WTIP: variants seen among roughly 807,000 people sequenced by gnomAD.
WTIP encodes WT1 interacting protein.
A neutral mutation model predicts 41.7 loss-of-function variants in WTIP; 23 were observed. The ratio of observed to expected loss-of-function variants is 0.55; its 90% CI spans 0.40 to 0.78. The LOEUF is 0.78. WTIP is among the 30% of genes least tolerant of loss of function. The pLI is 0.00. For synonymous variants in WTIP, 314 were observed against 269.9 expected, an observed-to-expected ratio of 1.16 and a Z score of -1.60; for missense variants, 619 against 610.5, an observed-to-expected ratio of 1.01 and a Z score of -0.15.
intron 6 of WTIP, among the ~76,000 whole-genome samples, chr19:34,495,288 T>C (rs2075847037): frequency 6.6e-6 from 1 of 152,040 alleles, no homozygotes; most frequent in African/African-American, 2.4e-5. Flanking sequence ...TCCCAGCTAC[T>C]TGGGAGGCTA....
chr19:34,487,168 G>C (rs2075802249), intron 1 of WTIP, among the ~76,000 whole-genome samples: 1 of 139,638 alleles, frequency 7.2e-6, no homozygotes, highest in Non-Finnish European at 1.5e-5. Context: ...GCAGTGGTGT[G>C]ATCTCGGCTC....
chr19:34,482,403 C>T lies in WTIP; in HGVS notation c.429C>T (p.Ser143=). ...CTTCGGTGGGCAGCGCCCGCTCCAG[C>T]GTTTCCAGCCTCGGCTCCCGGGGCT... The part of the protein sequence containing the change: ...GPPSVGSARS[S]VSSLGSRGSA... Residue 143 remains serine (S), a synonymous_variant, in exon 1 of 8, where the codon AGC becomes AGT. Coordinates refer to ENST00000590071, the MANE Select transcript of WTIP (RefSeq NM_001080436.2). The T allele has an allele frequency of 7.3e-7, 1 of 1,365,550 alleles. No homozygotes were observed. The highest frequency in any genetic ancestry group is 3.1e-5 in the Admixed American group (1 of 32,102). 84.6% of individuals were successfully genotyped at this position (1,365,550 alleles called of 1,614,324 possible). A position where few individuals can be genotyped will look rare whatever the true frequency, so the allele number is the denominator to read the frequency against.
At chr19:34,496,519 G>A (rs1264656951) in intron 7 of WTIP, among the ~76,000 whole-genome samples, 1 of 152,056 alleles carries the variant, frequency 6.6e-6, no homozygotes, top group Non-Finnish European at 1.5e-5. Flanking sequence ...TTCCTGCCCC[G>A]CAGAGAGTGC....
Position 34,508,718 on chromosome 19 carries a change from C to G in WTIP, c.*8449C>G, listed in dbSNP as rs1369790751. 1.3e-5 allele frequency: 2 copies of G among 152,454 alleles called. No individual in the cohort carries two copies. Among genetic ancestry groups the G allele is most frequent in the African/African-American group, 4.8e-5 (2 of 41,446 alleles). The allele number at this position is 152,454 out of a possible 1,614,324, so 9.4% of individuals were successfully genotyped here. On this transcript the variant is annotated 3_prime_UTR_variant, in exon 8 of 8. Coordinates refer to ENST00000590071, the MANE Select transcript of WTIP (RefSeq NM_001080436.2). ...CCCCTGCCTTCTGGGACTGGAAGTT[C>G]CTAGGAGTCCGGAAGTGCTGAGCTG...
Position 34,507,244 on chromosome 19 carries a change from A to T in WTIP, c.*6975A>T, listed in dbSNP as rs2075916074. 1 of 145,354 alleles carries T rather than the reference A, an allele frequency of 6.9e-6. No individual in the cohort carries two copies. Among genetic ancestry groups the T allele is most frequent in the South Asian group, 2.1e-4 (1 of 4,690 alleles). The allele number at this position is 145,354 out of a possible 1,614,324, so 9.0% of individuals were successfully genotyped here. A position where few individuals can be genotyped will look rare whatever the true frequency, so the allele number is the denominator to read the frequency against. On this transcript the variant is annotated 3_prime_UTR_variant, in exon 8 of 8. Coordinates refer to ENST00000590071, the MANE Select transcript of WTIP (RefSeq NM_001080436.2). ...GTCTCAAAAAAAAAAAAAAAAAAAA[A>T]AATTGTATTCGGCCTATGATGAAAT...
At position 34,510,458 on chromosome 19, in the gene WTIP, G is replaced by A. The variant is rs959260478; in HGVS notation, c.*10189G>A. The A allele has an allele frequency of 1.3e-5, 2 of 152,170 alleles. No individual in the cohort carries two copies. The highest frequency in any genetic ancestry group is 4.8e-5 in the African/African-American group (2 of 41,438). 9.4% of individuals were successfully genotyped at this position (152,170 alleles called of 1,614,324 possible). On this transcript the variant is annotated 3_prime_UTR_variant, in exon 8 of 8. Transcript: ENST00000590071. ...AGGCTGCACACAACATGGGGACTTT[G>A]GGTCCAGCCCACAAAACCATTTTTT...
chr19:34,508,406 C>G lies in WTIP; in HGVS notation c.*8137C>G, dbSNP rs2075921224. ...GTGGGAAGTTTCAATACTCCCTTAG[C>G]CTTGGTTTGGTCACCAGAAGGAGGG... On this transcript the variant is annotated 3_prime_UTR_variant, in exon 8 of 8. Coordinates refer to ENST00000590071, the MANE Select transcript of WTIP (RefSeq NM_001080436.2). The G allele has an allele frequency of 6.6e-6, 1 of 152,226 alleles. No homozygotes were observed. The highest frequency in any genetic ancestry group is 2.4e-5 in the African/African-American group (1 of 41,514). The allele number at this position is 152,226 out of a possible 1,614,324, so 9.4% of individuals were successfully genotyped here.
Position 34,496,808 on chromosome 19 carries a change from G to A in WTIP, c.1152+1037G>A, listed in dbSNP as rs552228522. The stretch of plus-strand genomic sequence containing the variant: ...ACCTGTAAGTGGGCGGGGGTTCAGC[G>A]ACCCTGCCGACAGCTGTGGGAATTT... On this transcript the variant is annotated intron_variant, in intron 7 of 7. Transcript: ENST00000590071. Among the ~76,000 whole-genome samples the A allele has an allele frequency of 6.6e-5, 10 of 152,216 alleles. No individual in the cohort carries two copies. In the East Asian group the frequency reaches 9.6e-4, roughly 15 times the overall value.
chr19:34,490,914 C>T (rs1261192018), intron 2 of WTIP, among the ~76,000 whole-genome samples: 5 of 152,050 alleles, frequency 3.3e-5, no homozygotes, highest in South Asian at 4.1e-4. Flanking sequence ...CTCTGCCTCC[C>T]GGTTTCAAGA....
chr19:34,484,921 T>G (rs1422689192), intron 1 of WTIP, among the ~76,000 whole-genome samples: 1 of 134,970 alleles, frequency 7.4e-6, no homozygotes, highest in African/African-American at 2.9e-5. Flanking sequence ...CAGAGTGAGA[T>G]CCTGTCTTTT....
rs900207329 is a variant in WTIP at position 34,500,616 on chromosome 19, T to G, written c.*347T>G. ...CCCGGCTGCATTGCTGGGTGGGAGCTGCTGTCTGTTGTTCAGGGGCCTGGC... is the reference window on the plus strand; with the variant it reads ...CCCGGCTGCATTGCTGGGTGGGAGCGGCTGTCTGTTGTTCAGGGGCCTGGC... On this transcript the variant is annotated 3_prime_UTR_variant, in exon 8 of 8. Transcript: ENST00000590071. The G allele has an allele frequency of 4.3e-6, 1 of 232,500 alleles. No homozygotes were observed. The highest frequency in any genetic ancestry group is 8.4e-6 in the Non-Finnish European group (1 of 119,686). The allele number at this position is 232,500 out of a possible 1,614,324, so 14.4% of individuals were successfully genotyped here.
Position 34,504,996 on chromosome 19 carries a change from T to C in WTIP, c.*4727T>C, listed in dbSNP as rs1165563467. Reference sequence around the variant, plus strand: ...AACAGGTCTGGGAGAGGGGGGAGCATCAGGGCCACCTGCAGCCTCCACCCA... The same window carrying C: ...AACAGGTCTGGGAGAGGGGGGAGCACCAGGGCCACCTGCAGCCTCCACCCA... On this transcript the variant is annotated 3_prime_UTR_variant, in exon 8 of 8. Coordinates refer to ENST00000590071, the MANE Select transcript of WTIP (RefSeq NM_001080436.2). The C allele has an allele frequency of 6.6e-6, 1 of 152,296 alleles. No homozygotes were observed. Among genetic ancestry groups the C allele is most frequent in the African/African-American group, 2.4e-5 (1 of 41,310 alleles). 9.4% of individuals were successfully genotyped at this position (152,296 alleles called of 1,614,324 possible).
Position 34,502,797 on chromosome 19 carries a change from G to GC in WTIP, c.*2531dup, listed in dbSNP as rs1386720469. The GC allele has an allele frequency of 6.6e-6, 1 of 152,086 alleles. No individual in the cohort carries two copies. The highest frequency in any genetic ancestry group is 1.5e-5 in the Non-Finnish European group (1 of 68,054). The allele number at this position is 152,086 out of a possible 1,614,324, so 9.4% of individuals were successfully genotyped here. ...GTGTCAAACTCCTGACCTCAAGCGAGCCCACCTTGGCCTCCCAGAGTGTTG... is the reference window on the plus strand; with the variant it reads ...GTGTCAAACTCCTGACCTCAAGCGAGCCCCACCTTGGCCTCCCAGAGTGTTG... On this transcript the variant is annotated 3_prime_UTR_variant, in exon 8 of 8. Transcript: ENST00000590071.
At chr19:34,492,107 CTTTTT>C (rs71165662) in intron 2 of WTIP, among the ~76,000 whole-genome samples, 2 of 100,556 alleles carry the variant, frequency 2.0e-5, no homozygotes, top group Admixed American at 1.1e-4. Flanking sequence ...TGTTCAATGT[CTTTTT>C]TTTTTTTTTT....
intron 5 of WTIP, 122 bp from the exon 6 acceptor site, chr19:34,494,464 A>T (rs28550036): frequency 0.28 from 251,468 of 889,104 alleles, 38,181 homozygotes; most frequent in African/African-American, 0.39. Context: ...CGAGGTGTGC[A>T]CACAGGGAGA....
intron 7 of WTIP, among the ~76,000 whole-genome samples, chr19:34,497,690 G>T (rs2075862290): frequency 6.6e-6 from 1 of 152,202 alleles, no homozygotes; most frequent in African/African-American, 2.4e-5. Context: ...ATCTGCAGTA[G>T]CAATCAGGGA....
Position 34,507,289 on chromosome 19 carries a change from G to A in WTIP, c.*7020G>A, listed in dbSNP as rs567571239. The A allele has an allele frequency of 2.0e-5, 3 of 151,656 alleles. No individual in the cohort carries two copies. Among genetic ancestry groups the A allele is most frequent in the Admixed American group, 2.0e-4 (3 of 15,226 alleles). 9.4% of individuals were successfully genotyped at this position (151,656 alleles called of 1,614,324 possible). ...TGAAATATTTTATTATTAGATAGCA[G>A]TGTCACTAATAAGTTTTAAGTTGTC... On this transcript the variant is annotated 3_prime_UTR_variant, in exon 8 of 8. Coordinates refer to ENST00000590071, the MANE Select transcript of WTIP (RefSeq NM_001080436.2).
chr19:34,500,230 G>A lies in WTIP; in HGVS notation c.1254G>A (p.Gly418=). 6.2e-7 allele frequency: 1 copy of A among 1,608,026 alleles called. No homozygotes were observed. The highest frequency in any genetic ancestry group is 1.1e-5 in the South Asian group (1 of 90,724). ...GCCACCTGCGGCGCCTCCAACCTGG[G>A]CCTCTTCCCTCACCCACTGTGCACG... is the stretch of plus-strand genomic sequence containing the variant. ...RRCHLRRLQP[G]PLPSPTVHVT... The change falls in exon 8 of 8, where the codon GGG becomes GGA. Residue 418 remains glycine, a synonymous_variant. Transcript: ENST00000590071.
chr19:34,491,029 T>C (rs1192089265), intron 2 of WTIP, among the ~76,000 whole-genome samples: 2 of 151,646 alleles, frequency 1.3e-5, no homozygotes, highest in Non-Finnish European at 2.9e-5. Context: ...GGTTTTACCA[T>C]GTTGGCCAGG....
Sources: allele counts gnomAD v4.1 joint callset (sites outside exome capture counted in the v4.1 genomes callset), GRCh38; gene constraint gnomAD v4.1.1; transcripts MANE v1.5; gene names NCBI Gene and HGNC (gene_info 2026-07-23, HGNC 2026-07-21).